The following ESRRB variants were observed in gnomAD, a reference collection of about 807,000 sequenced individuals.
ESRRB encodes the protein estrogen related receptor beta.
ESRRB carries 16 observed loss-of-function variants against 46.0 expected under a neutral mutation model. That is an observed-to-expected ratio of 0.35 (90% confidence interval 0.24 to 0.53). The LOEUF (loss-of-function observed/expected upper bound fraction) is 0.53. Ranked by LOEUF, ESRRB falls within the 20% of genes least tolerant of loss-of-function variation. The probability of loss-of-function intolerance (pLI) is 0.93; values close to 1 mark genes in which losing one functional copy is unlikely to be tolerated. For missense variants in ESRRB, 488 were observed against 607.4 expected (o/e 0.80, Z 2.07); for synonymous variants, 246 against 259.6 (o/e 0.95, Z 0.50).
chr14:76,477,740 C>CTT (rs72302227), intron 3 of ESRRB, among the ~76,000 whole-genome samples: 222 of 152,186 alleles, frequency 1.5e-3, no homozygotes, highest in African/African-American at 5.0e-3. Context: ...CAACAGGCTA[C>CTT]TGTTTTTTTA....
At chr14:76,473,521 G>A (rs1407443754) in intron 3 of ESRRB, among the ~76,000 whole-genome samples, 1 of 152,226 alleles carries the variant, frequency 6.6e-6, no homozygotes, top group Non-Finnish European at 1.5e-5. Context: ...ACAGGCTTAG[G>A]GCCAGGTGCA....
Position 76,482,562 on chromosome 14 carries a change from T to G in ESRRB, c.689-36T>G, listed in dbSNP as rs1167479999. 3 of 1,613,762 alleles carry G rather than the reference T, an allele frequency of 1.9e-6. No homozygotes were observed. In the South Asian group the frequency reaches 3.3e-5, roughly 18 times the overall value. ...CTCCACCCCGGCCCCTTTCCTCTTT[T>G]CCCAGCATTTACCTTTCCCTCTTTG... On this transcript the variant is annotated intron_variant, in intron 4 of 6. Transcript: ENST00000644823. This position sits in a 1 kb window ranked among gnomAD's most constrained non-coding sequence, Gnocchi z 4.3.
chr14:76,376,271 C>A lies in ESRRB; in HGVS notation c.-131C>A. On this transcript the variant is annotated 5_prime_UTR_variant, in exon 1 of 7. Transcript: ENST00000644823. This position sits in a 1 kb window ranked among gnomAD's most constrained non-coding sequence, Gnocchi z 4.1. The stretch of plus-strand genomic sequence containing the variant: ...TCCCTCTCCCCCGCCGCGGCCGCCT[C>A]CTCCCACTCTGCGTTCTCGCGCTCA... 1 of 615,634 alleles carries A rather than the reference C, an allele frequency of 1.6e-6. No individual in the cohort carries two copies. The highest frequency in any genetic ancestry group is 2.4e-6 in the Non-Finnish European group (1 of 425,214). The allele number at this position is 615,634 out of a possible 1,614,324, so 38.1% of individuals were successfully genotyped here. A position where few individuals can be genotyped will look rare whatever the true frequency, so the allele number is the denominator to read the frequency against.
intron 5 of ESRRB, among the ~76,000 whole-genome samples, chr14:76,487,866 G>T (rs1261627865): frequency 2.0e-5 from 3 of 152,198 alleles, no homozygotes; most frequent in Non-Finnish European, 4.4e-5. Flanking sequence ...AGCCCCCAAA[G>T]TTCTGGGATT....
chr14:76,398,171 G>A (rs1050348423), intron 1 of ESRRB, among the ~76,000 whole-genome samples: 6 of 152,166 alleles, frequency 3.9e-5, no homozygotes, highest in Admixed American at 6.6e-5. Context: ...ACAGTGTATC[G>A]TGCATTACCC....
Position 76,500,407 on chromosome 14 carries a change from T to C in ESRRB, c.*1949T>C. On this transcript the variant is annotated 3_prime_UTR_variant, in exon 7 of 7. Coordinates refer to ENST00000644823, the MANE Select transcript of ESRRB (RefSeq NM_001379180.1). ...TGCAGCCCATCTTCCCTCATTTGGG[T>C]GGAGGCACACATTTGGGGCAAAGGC... is the stretch of plus-strand genomic sequence containing the variant. The C allele has an allele frequency of 1.7e-6, 1 of 587,438 alleles. No homozygotes were observed. Among genetic ancestry groups the C allele is most frequent in the East Asian group, 2.8e-5 (1 of 35,664 alleles). The allele number at this position is 587,438 out of a possible 1,614,324, so 36.4% of individuals were successfully genotyped here.
In ESRRB at chr14:76,498,497, C is replaced by A. The variant is rs764715051; in HGVS notation, c.*39C>A. 3.7e-6 allele frequency: 6 copies of A among 1,612,652 alleles called. No homozygotes were observed. In the African/African-American group the frequency reaches 8.0e-5, roughly 22 times the overall value. On this transcript the variant is annotated 3_prime_UTR_variant, in exon 7 of 7. Transcript: ENST00000644823. ...GGACCAATGCCCACCTACAGACAGA[C>A]AAACGGACAGACCGAGGTGGAGACC...
upstream of ESRRB, among the ~76,000 whole-genome samples, chr14:76,375,155 AC>A (rs1884720133): frequency 7.0e-6 from 1 of 142,926 alleles, no homozygotes; most frequent in Non-Finnish European, 1.5e-5. Flanking sequence ...TTCTATACCT[AC>A]CCCCCTCCCC....
At chr14:76,408,591 C>CAAAAAAAAAAAAAAAAAAAAAA (rs35955826) in intron 1 of ESRRB, among the ~76,000 whole-genome samples, 1 of 42,118 alleles carries the variant, frequency 2.4e-5, no homozygotes, top group African/African-American at 1.1e-4. Context: ...GACCCTGTCT[C>CAAAAAAAAAAAAAAAAAAAAAA]AAAAAAAAAA....
chr14:76,489,782 A>G (rs1279977478), intron 5 of ESRRB, among the ~76,000 whole-genome samples: 3 of 152,182 alleles, frequency 2.0e-5, no homozygotes, highest in African/African-American at 7.2e-5. Context: ...GAGACAGGAC[A>G]GCAGATGGAT....
At chr14:76,327,246 G>T (rs1050774883) in intron 1 of ESRRB, among the ~76,000 whole-genome samples, 1 of 152,242 alleles carries the variant, frequency 6.6e-6, no homozygotes, top group African/African-American at 2.4e-5. Context: ...CCCACGTGGG[G>T]GTGGGCTGAG....
chr14:76,482,384 CG>C lies in ESRRB; in HGVS notation c.689-213del, dbSNP rs1889842904. 6.6e-6 allele frequency among the ~76,000 whole-genome samples: 1 copy of C among 152,182 alleles called. No homozygotes were observed. The highest frequency in any genetic ancestry group is 1.5e-5 in the Non-Finnish European group (1 of 68,028). On this transcript the variant is annotated intron_variant, in intron 4 of 6. Transcript: ENST00000644823. The surrounding 1 kb of genome is among the most constrained non-coding windows in gnomAD (Gnocchi z 4.3). ...CTCTGCAGGTTCCTCCTGGAGAATTCGTCAGGCAACTTCCCTTGGAGGGATA... is the reference window on the plus strand; with the variant it reads ...CTCTGCAGGTTCCTCCTGGAGAATTCTCAGGCAACTTCCCTTGGAGGGATA...
At chr14:76,433,788 C>T (rs573720712) in intron 1 of ESRRB, among the ~76,000 whole-genome samples, 17 of 152,094 alleles carry the variant, frequency 1.1e-4, no homozygotes, top group African/African-American at 4.1e-4. Context: ...GGATACTTGC[C>T]CCTTCTCACT....
chr14:76,364,255 T>C (rs1884496473), intron 1 of ESRRB, among the ~76,000 whole-genome samples: 1 of 152,202 alleles, frequency 6.6e-6, no homozygotes, highest in South Asian at 2.1e-4. Flanking sequence ...ATTGCTGATA[T>C]TTGATAAAAG....
chr14:76,393,210 GA>G lies in ESRRB; in HGVS notation c.50+16760del, dbSNP rs1885536834. ...CCTGGCCAGCAGAGTTCTCGCAGGA[GA>G]CCCTGTAGGCTTGTTGTGAGGCCAT... is the stretch of plus-strand genomic sequence containing the variant. On this transcript the variant is annotated intron_variant, in intron 1 of 6. Coordinates refer to ENST00000644823, the MANE Select transcript of ESRRB (RefSeq NM_001379180.1). Among the ~76,000 whole-genome samples, 5 of 152,294 alleles carry G rather than the reference GA, an allele frequency of 3.3e-5. No individual in the cohort carries two copies. In the South Asian group the frequency reaches 8.3e-4, roughly 25 times the overall value.
At chr14:76,382,836 C>CT (rs201908180) in intron 1 of ESRRB, among the ~76,000 whole-genome samples, 21 of 151,934 alleles carry the variant, frequency 1.4e-4, no homozygotes, top group Admixed American at 2.0e-4. Context: ...CTGAAAGTTT[C>CT]TTTTTTAAAA....
chr14:76,397,996 A>G (rs1382605744), intron 1 of ESRRB, among the ~76,000 whole-genome samples: 1 of 152,238 alleles, frequency 6.6e-6, no homozygotes, highest in Non-Finnish European at 1.5e-5. Context: ...AGTGGGGAAC[A>G]GAGGATGGGC....
At chr14:76,404,604 T>C (rs571385906) in intron 1 of ESRRB, 1 of 153,014 alleles carries the variant, frequency 6.5e-6, no homozygotes, top group East Asian at 1.9e-4. Context: ...TCCTCCACCG[T>C]CTCCTCTTCC....
chr14:76,319,961 G>C (rs1213565942), intron 1 of ESRRB, among the ~76,000 whole-genome samples: 1 of 152,090 alleles, frequency 6.6e-6, no homozygotes, highest in African/African-American at 2.4e-5. Flanking sequence ...ATAGCCTAGG[G>C]ATCAACCATA....
Sources: allele counts gnomAD v4.1 joint callset (sites outside exome capture counted in the v4.1 genomes callset), GRCh38; gene constraint gnomAD v4.1.1; non-coding constraint Gnocchi (gnomAD v3.1); transcripts MANE v1.5; gene names NCBI Gene and HGNC (gene_info 2026-07-23, HGNC 2026-07-21).